Variants in PCDH15 observed in about 807,000 individuals in gnomAD.
The protein encoded by PCDH15 is protocadherin related 15, also known as protocadherin-15.
PCDH15 carries 129 observed loss-of-function variants against 178.5 expected under a neutral mutation model. The ratio of observed to expected loss-of-function variants is 0.72; its 90% CI spans 0.63 to 0.84. The LOEUF is 0.84. PCDH15 is among the 40% of genes least tolerant of loss of function. PCDH15 has a pLI of 0.00. For missense variants in PCDH15, 2,230 were observed against 2,099.9 expected (o/e 1.06, Z -1.21); for synonymous variants, 800 against 732.0 (o/e 1.09, Z -1.50).
At chr10:54,490,967 T>C (rs1052341541) in intron 3 of PCDH15, among the ~76,000 whole-genome samples, 7 of 152,142 alleles carry the variant, frequency 4.6e-5, no homozygotes, top group African/African-American at 1.4e-4. Context: ...TGGGTGGTGG[T>C]TTAATTTTTA....
chr10:53,816,176 A>C (rs1287683162), intron 35 of PCDH15, 63 bp downstream of exon 35: 1 of 398,532 alleles, frequency 2.5e-6, no homozygotes, highest in African/African-American at 2.1e-5. Flanking sequence ...AAGAATTAAT[A>C]CAATAGATCT....
chr10:54,688,781 T>C (rs930050793), intron 1 of PCDH15, among the ~76,000 whole-genome samples: 2 of 152,086 alleles, frequency 1.3e-5, no homozygotes, highest in Non-Finnish European at 2.9e-5. Flanking sequence ...TGAAAGGCAA[T>C]TACTTTTTCA....
chr10:54,241,730 T>C (rs938538134), intron 8 of PCDH15, among the ~76,000 whole-genome samples: 1 of 152,064 alleles, frequency 6.6e-6, no homozygotes, highest in Non-Finnish European at 1.5e-5. Context: ...AGAGCTACAT[T>C]CCCTGTCTTA....
intron 26 of PCDH15, among the ~76,000 whole-genome samples, chr10:53,871,451 CGTGTGTGTGT>C (rs71461208): frequency 6.8e-6 from 1 of 146,804 alleles, no homozygotes; most frequent in Non-Finnish European, 1.5e-5. Flanking sequence ...TATATTCATA[CGTGTGTGTGT>C]GTGTGTGTGT....
intron 2 of PCDH15, among the ~76,000 whole-genome samples, chr10:55,086,955 C>T (rs1287439976): frequency 6.6e-6 from 1 of 151,930 alleles, no homozygotes; most frequent in East Asian, 1.9e-4. Flanking sequence ...TTAGCAACTT[C>T]TCGAATGGTT....
intron 1 of PCDH15, among the ~76,000 whole-genome samples, chr10:54,738,748 C>G (rs1944424079): frequency 6.6e-6 from 1 of 151,976 alleles, no homozygotes; most frequent in Non-Finnish European, 1.5e-5. Flanking sequence ...TATAGTTAAA[C>G]ATATGCTAAT....
intron 3 of PCDH15, among the ~76,000 whole-genome samples, chr10:54,413,051 C>T (rs991527971): frequency 8.5e-5 from 13 of 152,206 alleles, no homozygotes; most frequent in East Asian, 1.9e-4. Flanking sequence ...TTGTATTCCA[C>T]GAAAGAAGGG....
Position 54,023,026 on chromosome 10 carries a change from G to C in PCDH15, c.2392C>G (p.Pro798Ala), listed in dbSNP as rs781108434. 52 of 1,613,772 alleles carry C rather than the reference G, an allele frequency of 3.2e-5. No homozygotes were observed. Among genetic ancestry groups the C allele is most frequent in the Non-Finnish European group, 3.8e-5 (45 of 1,179,896 alleles). Residue 798 changes from proline to alanine, a missense_variant, in exon 19 of 38, where the codon CCT (proline) becomes GCT (alanine). By Grantham distance (27) the Pro-to-Ala change is conservative. Coordinates refer to ENST00000644397, the MANE Select transcript of PCDH15 (RefSeq NM_001384140.1). The part of the protein sequence containing the change: ...VVVATDGAVH[P>A]RHSTLTLAIK... ...GCCAAGGTTAGAGTTGAATGACGAG[G>C]GTGTACTGCTCCATCTGTTGCCACA... is the stretch of plus-strand genomic sequence containing the variant.
chr10:54,454,604 G>A (rs1224040169), intron 3 of PCDH15, among the ~76,000 whole-genome samples: 3 of 151,756 alleles, frequency 2.0e-5, no homozygotes, highest in African/African-American at 7.3e-5. Context: ...GTACATACAT[G>A]GTTCAATGTG....
chr10:54,647,939 A>C (rs183456741), intron 2 of PCDH15, among the ~76,000 whole-genome samples: 327 of 152,172 alleles, frequency 2.1e-3, no homozygotes, highest in African/African-American at 7.7e-3. Context: ...CAAAACAAAT[A>C]AAAAACACTT....
intron 2 of PCDH15, among the ~76,000 whole-genome samples, chr10:55,154,457 C>T (rs535837334): frequency 1.1e-4 from 17 of 152,220 alleles, no homozygotes; most frequent in African/African-American, 4.1e-4. Context: ...TAAATAGGCT[C>T]ACACTACAAA....
At chr10:55,238,068 T>C (rs1395486046) in intron 1 of PCDH15, among the ~76,000 whole-genome samples, 1 of 151,948 alleles carries the variant, frequency 6.6e-6, no homozygotes, top group Non-Finnish European at 1.5e-5. Context: ...ATTATATACG[T>C]GATTTTTGAC....
chr10:54,796,266 CTATCTATG>C (rs1199412008), intron 1 of PCDH15, among the ~76,000 whole-genome samples: 1,237 of 87,174 alleles, frequency 0.014, 19 homozygotes, highest in Middle Eastern at 0.073. Flanking sequence ...ATCTATCTAT[CTATCTATG>C]TATCTATGTA....
chr10:55,069,913 A>G (rs1414169497), intron 2 of PCDH15, among the ~76,000 whole-genome samples: 3 of 152,118 alleles, frequency 2.0e-5, no homozygotes, highest in African/African-American at 7.2e-5. Flanking sequence ...AAGTGTTCCC[A>G]TTTCTCCACA....
At chr10:55,391,845 CTGTT>C (rs1837801593) in intron 2 of PCDH15, among the ~76,000 whole-genome samples, 1 of 152,286 alleles carries the variant, frequency 6.6e-6, no homozygotes, top group Admixed American at 6.5e-5. Flanking sequence ...ACCCGGCTAA[CTGTT>C]TGGCCTAAGA....
intron 2 of PCDH15, among the ~76,000 whole-genome samples, chr10:54,644,905 AT>A (rs1360144896): frequency 6.6e-6 from 1 of 152,142 alleles, no homozygotes; most frequent in African/African-American, 2.4e-5. Context: ...AGAACACAGC[AT>A]TCGTCTTCTC....
intron 10 of PCDH15, among the ~76,000 whole-genome samples, chr10:54,212,082 C>T (rs1375200065): frequency 6.6e-6 from 1 of 151,660 alleles, no homozygotes; most frequent in African/African-American, 2.4e-5. Context: ...CAGCTGAATT[C>T]GATAATAAAG....
At chr10:54,962,903 T>C (rs2131885973) in intron 2 of PCDH15, among the ~76,000 whole-genome samples, 1 of 152,308 alleles carries the variant, frequency 6.6e-6, no homozygotes, top group South Asian at 2.1e-4. Context: ...CAAAGGTTTC[T>C]GGCTAGTGAA....
chr10:55,154,042 G>C (rs541225436), intron 2 of PCDH15, among the ~76,000 whole-genome samples: 1 of 152,166 alleles, frequency 6.6e-6, no homozygotes, highest in South Asian at 2.1e-4. Flanking sequence ...CCATGTACAC[G>C]TTCATTAAAT....
Sources: gnomAD v4.1 joint callset for allele counts (sites outside exome capture counted in the v4.1 genomes callset) on GRCh38, gnomAD v4.1.1 for gene constraint, MANE v1.5 for transcripts, NCBI Gene and HGNC (gene_info 2026-07-23, HGNC 2026-07-21) for gene names.